Variants in CSTPP1 observed in about 807,000 individuals in gnomAD.
The protein encoded by CSTPP1 is UPF0705 protein C11orf49.
the CSTPP1 span, among the ~76,000 whole-genome samples, chr11:47,066,743 A>G: frequency 6.6e-6 from 1 of 152,118 alleles, no homozygotes; most frequent in Non-Finnish European, 1.5e-5. Flanking sequence ...AAATTTTTCT[A>G]TTTGCAAATA....
chr11:46,979,036 A>T, the CSTPP1 span, among the ~76,000 whole-genome samples: 1 of 152,258 alleles, frequency 6.6e-6, no homozygotes, highest in African/African-American at 2.4e-5. Context: ...CTGTATATTC[A>T]TAGTTAAATT....
the CSTPP1 span, among the ~76,000 whole-genome samples, chr11:47,122,104 A>ATATG: frequency 6.9e-5 from 9 of 130,068 alleles, no homozygotes; most frequent in African/African-American, 2.6e-4. Context: ...ATATATATAT[A>ATATG]TATATATATA....
the CSTPP1 span, chr11:47,159,923 G>T: frequency 1.2e-5 from 4 of 337,560 alleles, no homozygotes; most frequent in Non-Finnish European, 2.3e-5. Context: ...AGAATCACTT[G>T]AACCAGGGAG....
the CSTPP1 span, among the ~76,000 whole-genome samples, chr11:47,144,980 ATTTTTTTTTTTTTT>A: frequency 0.13 from 12,217 of 93,046 alleles, 1,849 homozygotes; most frequent in African/African-American, 0.39. Context: ...ATTGCCTGCC[ATTTTTTTTTTTTTT>A]TTTTTTTTTT....
chr11:47,124,968 T>C, the CSTPP1 span, among the ~76,000 whole-genome samples: 5 of 152,132 alleles, frequency 3.3e-5, no homozygotes, highest in African/African-American at 1.2e-4. Context: ...AAAGGATCCT[T>C]TACCAGGAAA....
the CSTPP1 span, among the ~76,000 whole-genome samples, chr11:47,055,832 C>T: frequency 2.6e-5 from 4 of 152,178 alleles, no homozygotes; most frequent in Non-Finnish European, 2.9e-5. Flanking sequence ...TACTGAGGAT[C>T]GTATCATTTC....
chr11:47,128,434 C>T, the CSTPP1 span, among the ~76,000 whole-genome samples: 1,816 of 152,174 alleles, frequency 0.012, 285 homozygotes, highest in East Asian at 0.3. Flanking sequence ...CAGGCTGGGG[C>T]GCAGTGGTGC....
At chr11:47,054,047 T>A in the CSTPP1 span, among the ~76,000 whole-genome samples, 1 of 151,428 alleles carries the variant, frequency 6.6e-6, no homozygotes, top group African/African-American at 2.4e-5. Context: ...CGGTGACTCA[T>A]GCCTGTAATC....
At chr11:46,990,595 G>A in the CSTPP1 span, among the ~76,000 whole-genome samples, 13 of 152,032 alleles carry the variant, frequency 8.6e-5, no homozygotes, top group African/African-American at 3.1e-4. Flanking sequence ...GTTGTCTATT[G>A]ATAGTTTCTT....
chr11:47,008,848 G>A, the CSTPP1 span, among the ~76,000 whole-genome samples: 1 of 151,954 alleles, frequency 6.6e-6, no homozygotes, highest in African/African-American at 2.4e-5. Flanking sequence ...GGCTAACACG[G>A]TGAAACCCCG....
At chr11:47,159,599 CCTCGTTATGACCA>C in the CSTPP1 span, 1 of 456,222 alleles carries the variant, frequency 2.2e-6, no homozygotes, top group Non-Finnish European at 4.4e-6. Context: ...CTTTCATACT[CCTCGTTATGACCA>C]CTCTTTCTTC....
At chr11:47,033,563 A>G in the CSTPP1 span, among the ~76,000 whole-genome samples, 2 of 151,958 alleles carry the variant, frequency 1.3e-5, no homozygotes, top group East Asian at 3.9e-4. Context: ...CCCTTCCCCC[A>G]CCTTCTTTGC....
At chr11:47,036,844 A>AT in the CSTPP1 span, among the ~76,000 whole-genome samples, 1 of 125,236 alleles carries the variant, frequency 8.0e-6, no homozygotes, top group Non-Finnish European at 1.9e-5. Flanking sequence ...CGCCCAGCTA[A>AT]TTTTTTTTAT....
At chr11:47,079,864 C>CAGGCGA in the CSTPP1 span, among the ~76,000 whole-genome samples, 1 of 151,342 alleles carries the variant, frequency 6.6e-6, no homozygotes. Context: ...GAGGCGGAGG[C>CAGGCGA]GAGTGGATCA....
chr11:47,152,883 T>G, the CSTPP1 span, among the ~76,000 whole-genome samples: 1 of 152,116 alleles, frequency 6.6e-6, no homozygotes, highest in African/African-American at 2.4e-5. Context: ...CTGTCGTAAT[T>G]CACTTTAGAC....
At chr11:47,163,171 CT>C in the CSTPP1 span, among the ~76,000 whole-genome samples, 1 of 115,942 alleles carries the variant, frequency 8.6e-6, no homozygotes, top group Non-Finnish European at 1.7e-5. Context: ...ATGAGACCAT[CT>C]TAAAAAAAAA....
the CSTPP1 span, among the ~76,000 whole-genome samples, chr11:47,115,175 G>A: frequency 1.4e-4 from 21 of 152,210 alleles, no homozygotes; most frequent in African/African-American, 5.1e-4. Flanking sequence ...TCCCAGGGAT[G>A]AAACTAACTT....
the CSTPP1 span, among the ~76,000 whole-genome samples, chr11:46,947,047 G>C: frequency 6.6e-6 from 1 of 152,150 alleles, no homozygotes. Context: ...ATCTGCTCTG[G>C]ATCTTTTCGG....
chr11:47,141,456 A>C, the CSTPP1 span, among the ~76,000 whole-genome samples: 1 of 151,604 alleles, frequency 6.6e-6, no homozygotes, highest in Admixed American at 6.6e-5. Context: ...AAATACAAAA[A>C]CTTAGCCAGG....
Sources: gnomAD v4.1 joint callset for allele counts (sites outside exome capture counted in the v4.1 genomes callset) on GRCh38, gnomAD v4.1.1 for gene constraint, MANE v1.5 for transcripts, NCBI Gene and HGNC (gene_info 2026-07-23, HGNC 2026-07-21) for gene names.